The following CDC14B variants were observed in gnomAD, a reference collection of about 807,000 sequenced individuals.
The protein encoded by CDC14B is cell division cycle 14B.
Under a neutral mutation model 64.2 loss-of-function variants are expected in CDC14B, and 22 were observed. That is an observed-to-expected ratio of 0.34 (90% confidence interval 0.24 to 0.49). The LOEUF (loss-of-function observed/expected upper bound fraction) is 0.49. CDC14B is among the 20% of genes least tolerant of loss of function. CDC14B has a pLI of 0.99. For synonymous variants in CDC14B, 191 were observed against 215.8 expected (o/e 0.89, Z 1.01); for missense variants, 498 against 629.9 (o/e 0.79, Z 2.24).
chr9:96,619,307 G>A lies in CDC14B; in HGVS notation c.72C>T (p.Thr24=). Residue 24 remains threonine (T), a synonymous_variant, in exon 1 of 14, where the codon ACC becomes ACT. Transcript: ENST00000375241. ...APPCSRRCSS[T]SPGVKKIRSS... is the part of the protein sequence containing the mutation. Reference sequence around the variant, plus strand: ...TGCGGATCTTCTTCACACCCGGCGAGGTCGACGAGCAGCGCCGCGAGCAGG... The same window carrying A: ...TGCGGATCTTCTTCACACCCGGCGAAGTCGACGAGCAGCGCCGCGAGCAGG... 1 of 1,316,110 alleles carries A rather than the reference G, an allele frequency of 7.6e-7. No individual in the cohort carries two copies. The allele number at this position is 1,316,110 out of a possible 1,614,324, so 81.5% of individuals were successfully genotyped here.
chr9:96,507,015 C>T (rs996456001), intron 13 of CDC14B, among the ~76,000 whole-genome samples: 1 of 152,196 alleles, frequency 6.6e-6, no homozygotes, highest in African/African-American at 2.4e-5. Context: ...CCTGAGCGGC[C>T]GGGCGCCGTG....
intron 9 of CDC14B, among the ~76,000 whole-genome samples, chr9:96,527,028 T>G (rs182087861): frequency 1.3e-5 from 2 of 152,392 alleles, no homozygotes; most frequent in Admixed American, 1.3e-4. Flanking sequence ...TTACCATTTT[T>G]CTTCAGGCAT....
chr9:96,524,099 G>A (rs915100079), intron 9 of CDC14B, among the ~76,000 whole-genome samples: 11 of 152,236 alleles, frequency 7.2e-5, no homozygotes, highest in Middle Eastern at 3.4e-3. Flanking sequence ...CACCACAGCC[G>A]GCTAATGTCT....
chr9:96,574,065 T>C (rs1844642021), intron 1 of CDC14B, among the ~76,000 whole-genome samples: 1 of 151,348 alleles, frequency 6.6e-6, no homozygotes, highest in Non-Finnish European at 1.5e-5. Flanking sequence ...GAAAATGGTG[T>C]GAACCCGGGA....
chr9:96,551,111 C>CTTTTTTTGTTTTTTTTTTTTTTTTTTTTT (rs1841748867), intron 5 of CDC14B, among the ~76,000 whole-genome samples: 1 of 93,296 alleles, frequency 1.1e-5, no homozygotes, highest in Non-Finnish European at 2.0e-5. Context: ...TTGGGGTTTG[C>CTTTTTTTGTTTTTTTTTTTTTTTTTTTTT]TTTTTTTTTT....
chr9:96,546,376 G>C (rs1033115179), intron 5 of CDC14B, among the ~76,000 whole-genome samples: 1 of 151,740 alleles, frequency 6.6e-6, no homozygotes, highest in African/African-American at 2.4e-5. Flanking sequence ...TCAGAGCAAT[G>C]ATTAGCTGGG....
At chr9:96,509,837 G>T in intron 12 of CDC14B, 48 bp from the exon 13 acceptor site, 1 of 1,173,112 alleles carries the variant, frequency 8.5e-7, no homozygotes, top group Non-Finnish European at 1.3e-6. Flanking sequence ...GAAACCATTT[G>T]CAAATACTTG....
At position 96,522,539 on chromosome 9, in the gene CDC14B, C is replaced by T. The variant is rs199911079; in HGVS notation, c.1310G>A (p.Arg437Lys). The T allele has an allele frequency of 3.4e-4, 545 of 1,613,660 alleles. 6 individuals carry two copies. The South Asian group carries it at 5.2e-3, about 15-fold the overall frequency. ...AATAGCGTTTGTTTTGGATTGTCTT[C>T]TGCTTTTCAAGGCCCGAAGTCTATC... Reference protein sequence around the residue: ...QGDRLRALKSRRQSKTNAIPL... With the variant: ...QGDRLRALKSKRQSKTNAIPL... The change falls in exon 12 of 14, where the codon AGA (arginine) becomes AAA (lysine). Residue 437 changes from arginine to lysine, a missense_variant. By Grantham distance (26) the Arg-to-Lys change is conservative (BLOSUM62 2). Transcript: ENST00000375241.
chr9:96,571,702 T>C (rs1564362364), intron 1 of CDC14B, among the ~76,000 whole-genome samples: 1 of 152,148 alleles, frequency 6.6e-6, no homozygotes, highest in Non-Finnish European at 1.5e-5. Context: ...ATAAGTTTTG[T>C]TACAACATCT....
chr9:96,527,769 C>A (rs992239405), intron 9 of CDC14B, among the ~76,000 whole-genome samples: 1 of 152,086 alleles, frequency 6.6e-6, no homozygotes, highest in African/African-American at 2.4e-5. Flanking sequence ...GCGCCCACCA[C>A]CAAGCCTGGC....
At chr9:96,618,681 GCTTA>G in intron 1 of CDC14B, 1 of 488,844 alleles carries the variant, frequency 2.0e-6, no homozygotes, top group Non-Finnish European at 4.0e-6. Flanking sequence ...AGGGGCTCGG[GCTTA>G]CGCGCCGGAC....
At chr9:96,546,540 C>T (rs1171308214) in intron 5 of CDC14B, among the ~76,000 whole-genome samples, 2 of 151,844 alleles carry the variant, frequency 1.3e-5, no homozygotes, top group Admixed American at 1.3e-4. Context: ...ATCTCCGCCT[C>T]TCAGGTTGAA....
intron 4 of CDC14B, 61 bp downstream of exon 4, chr9:96,562,632 A>C: frequency 1.9e-6 from 2 of 1,060,854 alleles, no homozygotes; most frequent in Non-Finnish European, 2.9e-6. Context: ...TTCCAACTGC[A>C]AATGTAAAGA....
intron 13 of CDC14B, among the ~76,000 whole-genome samples, chr9:96,506,724 A>G (rs1405911646): frequency 6.6e-6 from 1 of 152,228 alleles, no homozygotes; most frequent in Non-Finnish European, 1.5e-5. Flanking sequence ...GGACCCTCAA[A>G]GCATCCCTGC....
At chr9:96,536,214 A>G (rs1171661422) in intron 7 of CDC14B, among the ~76,000 whole-genome samples, 1 of 152,206 alleles carries the variant, frequency 6.6e-6, no homozygotes, top group East Asian at 1.9e-4. Flanking sequence ...GTGTCACCAC[A>G]CAGCTTCATG....
intron 9 of CDC14B, among the ~76,000 whole-genome samples, chr9:96,525,775 C>A (rs1248207716): frequency 2.6e-5 from 4 of 152,184 alleles, no homozygotes; most frequent in Admixed American, 2.6e-4. Flanking sequence ...CCTCAAGTCT[C>A]CCCTATACCT....
intron 1 of CDC14B, among the ~76,000 whole-genome samples, chr9:96,593,227 G>C (rs972334688): frequency 6.6e-6 from 1 of 152,114 alleles, no homozygotes; most frequent in Non-Finnish European, 1.5e-5. Flanking sequence ...GGTGGCTCAC[G>C]CCTGTAATCC....
chr9:96,545,169 C>G (rs113728603), intron 5 of CDC14B, among the ~76,000 whole-genome samples: 1,744 of 152,080 alleles, frequency 0.011, 28 homozygotes, highest in African/African-American at 0.039. Flanking sequence ...ATAGGGTGTT[C>G]ATGGAATAAA....
At chr9:96,596,939 AAGG>A (rs1414956803) in intron 1 of CDC14B, among the ~76,000 whole-genome samples, 2 of 152,164 alleles carry the variant, frequency 1.3e-5, no homozygotes, top group East Asian at 3.9e-4. Flanking sequence ...ATTATATGTT[AAGG>A]AGAAGGAGGC....
Sources: allele counts gnomAD v4.1 joint callset (sites outside exome capture counted in the v4.1 genomes callset), GRCh38; gene constraint gnomAD v4.1.1; transcripts MANE v1.5; gene names NCBI Gene and HGNC (gene_info 2026-07-23, HGNC 2026-07-21).